ATM: variants seen among roughly 807,000 people sequenced by gnomAD.
ATM encodes ATM serine/threonine kinase.
A neutral mutation model predicts 387.0 loss-of-function variants in ATM; 308 were observed. That is an observed-to-expected ratio of 0.80 (90% CI 0.73 to 0.87). ATM has a LOEUF of 0.87. ATM is among the 40% of genes least tolerant of loss of function. The pLI is 0.00. For synonymous variants in ATM, 1,156 were observed against 1,187.3 expected (o/e 0.97, Z 0.54); for missense variants, 3,312 against 3,560.9 (o/e 0.93, Z 1.78).
intron 57 of ATM, among the ~76,000 whole-genome samples, chr11:108,344,796 G>A (rs191399188): frequency 6.6e-6 from 1 of 152,162 alleles, no homozygotes; most frequent in East Asian, 1.9e-4. Flanking sequence ...TTGAGCCCAG[G>A]AGTTTAAGAC....
intron 36 of ATM, among the ~76,000 whole-genome samples, chr11:108,303,934 T>G (rs1016974433): frequency 6.6e-6 from 1 of 152,212 alleles, no homozygotes; most frequent in African/African-American, 2.4e-5. Flanking sequence ...AAACTGGTGT[T>G]TTGCCTTGTC....
At chr11:108,282,563 A>T (rs1460537358) in intron 24 of ATM, 147 bp from the exon 25 acceptor site, 11 of 692,312 alleles carry the variant, frequency 1.6e-5, no homozygotes, top group Non-Finnish European at 2.6e-5. Context: ...ACATTTTCTT[A>T]ATTATTATTC....
At chr11:108,312,530 GTATT>G (rs2084263156) in intron 40 of ATM, 32 bp downstream of exon 40, 1 of 1,449,820 alleles carries the variant, frequency 6.9e-7, no homozygotes, top group Non-Finnish European at 9.7e-7. Context: ...ATTTATGACA[GTATT>G]TATCTCATAC....
intron 4 of ATM, among the ~76,000 whole-genome samples, chr11:108,231,830 C>A (rs192396283): frequency 1.2e-4 from 18 of 151,722 alleles, no homozygotes; most frequent in African/African-American, 4.3e-4. Context: ...ATGGTTTAGT[C>A]AATTTTCTAC....
At chr11:108,328,393 T>G (rs566666087) in intron 48 of ATM, among the ~76,000 whole-genome samples, 1 of 152,048 alleles carries the variant, frequency 6.6e-6, no homozygotes, top group South Asian at 2.1e-4. Context: ...ACTACAGGAG[T>G]GTGCCACCAC....
rs1050380213 is a variant in ATM at position 108,292,589 on chromosome 11, T to G, written c.4437-30T>G. 2.1e-5 allele frequency: 33 copies of G among 1,608,710 alleles called. No individual in the cohort carries two copies. Among genetic ancestry groups the G allele is most frequent in the Non-Finnish European group, 2.6e-5 (30 of 1,176,208 alleles). Reference sequence around the variant, plus strand: ...GAGTAATTTTCCAGAACTTACTGGTTGTTGTTGTTTTTTTTTCTCCCTATA... The same window carrying G: ...GAGTAATTTTCCAGAACTTACTGGTGGTTGTTGTTTTTTTTTCTCCCTATA... On this transcript the variant is annotated intron_variant, in intron 29 of 62. Transcript: ENST00000675843.
chr11:108,316,353 G>A (rs999630477), intron 42 of ATM, among the ~76,000 whole-genome samples: 8 of 152,150 alleles, frequency 5.3e-5, no homozygotes, highest in South Asian at 4.1e-4. Flanking sequence ...AAAAGATAGT[G>A]TAGATTTCTT....
rs377570109 is a variant in ATM, at chr11:108,256,360, T to A, written c.2250+20T>A. The A allele has an allele frequency of 6.2e-7, 1 of 1,601,156 alleles. No homozygotes were observed. Among genetic ancestry groups the A allele is most frequent in the Non-Finnish European group, 8.5e-7 (1 of 1,170,762 alleles). On this transcript the variant is annotated intron_variant, in intron 14 of 62. Coordinates refer to ENST00000675843, the MANE Select transcript of ATM (RefSeq NM_000051.4). ...GCCAAGGTAGGAGAATTTATACTAA[T>A]AAAGTTTCGGATAAATTTGAATGAA...
At chr11:108,247,166 G>A in intron 8 of ATM, 39 bp downstream of exon 8, 1 of 1,609,418 alleles carries the variant, frequency 6.2e-7, no homozygotes, top group East Asian at 2.2e-5. Flanking sequence ...GAAATTTCCT[G>A]TTAATTTTTT....
intron 5 of ATM, among the ~76,000 whole-genome samples, chr11:108,242,577 G>T (rs2079616007): frequency 6.6e-6 from 1 of 152,108 alleles, no homozygotes; most frequent in Non-Finnish European, 1.5e-5. Context: ...TGTTATTTGG[G>T]GACTGGGCAC....
chr11:108,331,171 T>C (rs967078637), intron 50 of ATM: 3 of 1,128,102 alleles, frequency 2.7e-6, no homozygotes, highest in Admixed American at 9.1e-5. Flanking sequence ...CTTCCTTAGA[T>C]TTTTTGGAAT....
At chr11:108,362,868 G>A (rs1411061127) in intron 61 of ATM, among the ~76,000 whole-genome samples, 1 of 151,320 alleles carries the variant, frequency 6.6e-6, no homozygotes, top group Non-Finnish European at 1.5e-5. Context: ...GTTAGTGGGT[G>A]CAGCGCACCA....
At chr11:108,258,625 G>C (rs568416563) in intron 15 of ATM, among the ~76,000 whole-genome samples, 1 of 152,116 alleles carries the variant, frequency 6.6e-6, no homozygotes, top group Non-Finnish European at 1.5e-5. Flanking sequence ...TTCAAACCTA[G>C]TATTAGGTAC....
At chr11:108,290,826 TAAAA>T (rs202152959) in intron 29 of ATM, among the ~76,000 whole-genome samples, 2 of 124,858 alleles carry the variant, frequency 1.6e-5, no homozygotes, top group Admixed American at 8.0e-5. Flanking sequence ...TTCACTCAAT[TAAAA>T]AAAAAAAAAA....
At chr11:108,346,052 T>A in intron 58 of ATM, 144 bp downstream of exon 58, 1 of 870,892 alleles carries the variant, frequency 1.1e-6, no homozygotes, top group Non-Finnish European at 1.8e-6. Flanking sequence ...TCTTCATTAT[T>A]AAATCATATG....
chr11:108,289,723 T>A lies in ATM; in HGVS notation c.4358T>A (p.Ile1453Lys). The A allele has an allele frequency of 6.2e-7, 1 of 1,613,796 alleles. No homozygotes were observed. Among genetic ancestry groups the A allele is most frequent in the Non-Finnish European group, 8.5e-7 (1 of 1,179,966 alleles). Residue 1453 changes from isoleucine to lysine, a missense_variant, in exon 29 of 63, where the codon ATA becomes AAA. Coordinates refer to ENST00000675843, the MANE Select transcript of ATM (RefSeq NM_000051.4). ...HLFVSLLLKD[I>K]KSGLGGAWAF... The stretch of plus-strand genomic sequence containing the variant: ...TTTGTTAGTTTATTACTGAAAGATA[T>A]AAAAAGTGGCTTAGGAGGAGCTTGG...
chr11:108,343,442 ATAT>A lies in ATM; in HGVS notation c.8418+75_8418+77del, dbSNP rs1349562338. 19 of 1,563,050 alleles carry A rather than the reference ATAT, an allele frequency of 1.2e-5. No homozygotes were observed. The East Asian group carries it at 3.2e-4, about 26-fold the overall frequency. On this transcript the variant is annotated intron_variant, in intron 57 of 62. Transcript: ENST00000675843. Reference sequence around the variant, plus strand: ...GCTTATTAAAGCTGACAGCTGTCAGATATTATAGAATACAAAAAAACTTTAATT... The same window carrying A: ...GCTTATTAAAGCTGACAGCTGTCAGATATAGAATACAAAAAAACTTTAATT...
At chr11:108,277,737 T>A (rs1391045894) in intron 22 of ATM, among the ~76,000 whole-genome samples, 2 of 152,204 alleles carry the variant, frequency 1.3e-5, no homozygotes, top group Non-Finnish European at 2.9e-5. Flanking sequence ...CCCAATGAGA[T>A]GAGCCATCTA....
chr11:108,272,812 C>CTG lies in ATM; in HGVS notation c.3244_3245insTG (p.His1082LeufsTer28), dbSNP rs761486324. The stretch of plus-strand genomic sequence containing the variant: ...ATTTACACAATTTCTTGCTGACAAT[C>CTG]ATCACCAAGTTCGCATGTTGGCTGC... On this transcript the variant is annotated frameshift_variant, in exon 22 of 63. Transcript: ENST00000675843. LOFTEE classifies it high-confidence loss of function. The CTG allele has an allele frequency of 6.2e-6, 10 of 1,613,938 alleles. No individual in the cohort carries two copies. Among genetic ancestry groups the CTG allele is most frequent in the Non-Finnish European group, 8.5e-6 (10 of 1,179,986 alleles).
Sources: allele counts gnomAD v4.1 joint callset (sites outside exome capture counted in the v4.1 genomes callset), GRCh38; gene constraint gnomAD v4.1.1; transcripts MANE v1.5; gene names NCBI Gene and HGNC (gene_info 2026-07-23, HGNC 2026-07-21).